The following GALNTL6 variants were observed in gnomAD, a reference collection of about 807,000 sequenced individuals.
GALNTL6 encodes polypeptide N-acetylgalactosaminyltransferase like 6.
GALNTL6 carries 46 observed loss-of-function variants against 73.7 expected under a neutral mutation model. The observed-to-expected ratio is 0.62, with a 90% CI of 0.49 to 0.80. GALNTL6 has a LOEUF of 0.80. GALNTL6 is among the 30% of genes least tolerant of loss of function. The pLI is 0.00. For synonymous variants in GALNTL6, 259 were observed against 263.7 expected, an observed-to-expected ratio of 0.98 and a Z score of 0.17; for missense variants, 604 against 755.0, an observed-to-expected ratio of 0.80 and a Z score of 2.34.
At chr4:172,982,738 AAGAT>A (rs1751122352) in intron 10 of GALNTL6, among the ~76,000 whole-genome samples, 1 of 152,214 alleles carries the variant, frequency 6.6e-6, no homozygotes, top group Non-Finnish European at 1.5e-5. Flanking sequence ...TGGAAAAAAA[AAGAT>A]AAGATATTTT....
intron 2 of GALNTL6, among the ~76,000 whole-genome samples, chr4:171,918,534 G>C (rs1021477588): frequency 2.6e-5 from 4 of 152,004 alleles, no homozygotes; most frequent in African/African-American, 9.7e-5. Flanking sequence ...ACCTCTGCAC[G>C]GTGTTGGTAG....
intron 8 of GALNTL6, among the ~76,000 whole-genome samples, chr4:172,922,312 T>C (rs1341685103): frequency 6.6e-6 from 1 of 152,160 alleles, no homozygotes; most frequent in Non-Finnish European, 1.5e-5. Flanking sequence ...TGCCACTTTT[T>C]TTAGACTATC....
intron 5 of GALNTL6, among the ~76,000 whole-genome samples, chr4:172,370,101 A>AGTTG (rs1423385813): frequency 6.6e-6 from 1 of 152,072 alleles, no homozygotes; most frequent in African/African-American, 2.4e-5. Flanking sequence ...TTCCTTCTGG[A>AGTTG]TAGGGGTGAA....
At chr4:172,483,557 G>A (rs1398239383) in intron 5 of GALNTL6, among the ~76,000 whole-genome samples, 2 of 152,118 alleles carry the variant, frequency 1.3e-5, no homozygotes, top group East Asian at 3.9e-4. Context: ...TCTACTCTGA[G>A]ATGAAAAAAA....
intron 7 of GALNTL6, among the ~76,000 whole-genome samples, chr4:172,844,159 T>C (rs553871843): frequency 1.3e-5 from 2 of 152,378 alleles, no homozygotes; most frequent in East Asian, 3.9e-4. Context: ...AATAAGGTTT[T>C]GGCTCATACC....
At chr4:172,083,182 A>C (rs1194849909) in intron 2 of GALNTL6, among the ~76,000 whole-genome samples, 1 of 152,164 alleles carries the variant, frequency 6.6e-6, no homozygotes, top group African/African-American at 2.4e-5. Context: ...CTTCCACAGA[A>C]AACTATCTTG....
At chr4:172,126,691 C>T (rs10002952) in intron 2 of GALNTL6, among the ~76,000 whole-genome samples, 4,735 of 152,216 alleles carry the variant, frequency 0.031, 231 homozygotes, top group African/African-American at 0.11. Flanking sequence ...TGCTTGGAGA[C>T]CACACAAAGG....
At chr4:171,944,789 AT>A (rs1219256047) in intron 2 of GALNTL6, among the ~76,000 whole-genome samples, 2 of 151,804 alleles carry the variant, frequency 1.3e-5, no homozygotes, top group African/African-American at 4.8e-5. Context: ...AAAGAAATTT[AT>A]TGTTGCATTA....
intron 3 of GALNTL6, among the ~76,000 whole-genome samples, chr4:172,288,236 G>A (rs749263091): frequency 1.1e-4 from 17 of 151,894 alleles, no homozygotes; most frequent in African/African-American, 2.7e-4. Context: ...GACTACAGGC[G>A]CCAACCACCA....
intron 2 of GALNTL6, among the ~76,000 whole-genome samples, chr4:171,829,072 A>G (rs1408973169): frequency 2.0e-5 from 3 of 152,190 alleles, no homozygotes; most frequent in African/African-American, 4.8e-5. Context: ...AAAGTAGGCT[A>G]TTAGTAGTTA....
At chr4:171,837,069 C>T (rs1735112042) in intron 2 of GALNTL6, among the ~76,000 whole-genome samples, 2 of 152,012 alleles carry the variant, frequency 1.3e-5, no homozygotes, top group Non-Finnish European at 2.9e-5. Context: ...CACCACAATG[C>T]GTAAATGACA....
At chr4:172,912,793 G>C (rs913167862) in intron 8 of GALNTL6, among the ~76,000 whole-genome samples, 1 of 152,214 alleles carries the variant, frequency 6.6e-6, no homozygotes. Context: ...TGGGGGCAGG[G>C]CATAGCTGAA....
At chr4:172,338,056 A>G (rs1741406864) in intron 4 of GALNTL6, among the ~76,000 whole-genome samples, 1 of 152,150 alleles carries the variant, frequency 6.6e-6, no homozygotes, top group African/African-American at 2.4e-5. Flanking sequence ...TGTTTGGCGT[A>G]GGCTACTGAT....
rs567578079 is a variant in GALNTL6, at chr4:172,525,902, T to C, written c.553+177213T>C. Among the ~76,000 whole-genome samples the C allele has an allele frequency of 2.5e-4, 38 of 152,264 alleles. 2 individuals carry two copies. The highest frequency in any genetic ancestry group is 6.2e-4 in the South Asian group (3 of 4,816). On this transcript the variant is annotated intron_variant, in intron 5 of 12. Coordinates refer to ENST00000506823, the MANE Select transcript of GALNTL6 (RefSeq NM_001034845.3). ...AAACAGAATGATGGATTGTTTGAGA[T>C]TTACTGGTTATATAACCATGCCACC...
intron 2 of GALNTL6, among the ~76,000 whole-genome samples, chr4:172,076,763 T>C (rs1010755826): frequency 2.0e-5 from 3 of 152,204 alleles, no homozygotes; most frequent in African/African-American, 7.2e-5. Context: ...ACATAATATC[T>C]CTGTTATTTG....
chr4:172,001,863 GAAC>G (rs978885225), intron 2 of GALNTL6, among the ~76,000 whole-genome samples: 2 of 152,036 alleles, frequency 1.3e-5, no homozygotes, highest in Non-Finnish European at 2.9e-5. Flanking sequence ...TGCCAAACAG[GAAC>G]AACATTTTCC....
chr4:171,993,483 G>C (rs1336987402), intron 2 of GALNTL6, among the ~76,000 whole-genome samples: 1 of 152,078 alleles, frequency 6.6e-6, no homozygotes, highest in Non-Finnish European at 1.5e-5. Context: ...GGAGTGTGAA[G>C]TTTACCCTAT....
At chr4:172,491,321 TTTA>T (rs1417663964) in intron 5 of GALNTL6, among the ~76,000 whole-genome samples, 1 of 138,452 alleles carries the variant, frequency 7.2e-6, no homozygotes, top group African/African-American at 2.7e-5. Flanking sequence ...CTTGCTTTTT[TTTA>T]TTATTTATTT....
At chr4:172,481,145 T>C (rs563085163) in intron 5 of GALNTL6, among the ~76,000 whole-genome samples, 2 of 152,248 alleles carry the variant, frequency 1.3e-5, no homozygotes, top group East Asian at 1.9e-4. Flanking sequence ...TTCTGGTGGG[T>C]TCGTGGTCTT....
Sources: allele counts gnomAD v4.1 joint callset (sites outside exome capture counted in the v4.1 genomes callset), GRCh38; gene constraint gnomAD v4.1.1; transcripts MANE v1.5; gene names NCBI Gene and HGNC (gene_info 2026-07-23, HGNC 2026-07-21).